The following ACAP2 variants were observed in gnomAD, a reference collection of about 807,000 sequenced individuals.
ACAP2 encodes ArfGAP with coiled-coil, ankyrin repeat and PH domains 2.
A neutral mutation model predicts 115.8 loss-of-function variants in ACAP2; 39 were observed. The observed-to-expected ratio is 0.34, with a 90% confidence interval of 0.26 to 0.44. ACAP2 has a LOEUF of 0.44. ACAP2 is among the 20% of genes least tolerant of loss of function. ACAP2 has a pLI of 1.00. For synonymous variants in ACAP2, 289 were observed against 315.8 expected (o/e 0.92, Z 0.90); for missense variants, 662 against 927.6 (o/e 0.71, Z 3.72).
In ACAP2 at chr3:195,400,394, C is replaced by T. The variant is rs1202981345; in HGVS notation, c.54-8247G>A. Among the ~76,000 whole-genome samples, 5 of 151,590 alleles carry T rather than the reference C, an allele frequency of 3.3e-5. No individual in the cohort carries two copies. The East Asian group carries it at 9.7e-4, about 29-fold the overall frequency. ...TCTGCATAAAGACAGTAGCTATATACAGTCATTTTTAACATGTGTAGTGGC... is the reference window on the plus strand; with the variant it reads ...TCTGCATAAAGACAGTAGCTATATATAGTCATTTTTAACATGTGTAGTGGC... On this transcript the variant is annotated intron_variant, in intron 1 of 22. Transcript: ENST00000326793.
intron 4 of ACAP2, among the ~76,000 whole-genome samples, chr3:195,363,652 C>G (rs1211491627): frequency 2.0e-5 from 3 of 149,380 alleles, no homozygotes; most frequent in Non-Finnish European, 4.4e-5. Context: ...CACACAAAAA[C>G]AGAATAGCCA....
At chr3:195,295,608 T>C in intron 17 of ACAP2, 100 bp downstream of exon 17, 1 of 1,313,866 alleles carries the variant, frequency 7.6e-7, no homozygotes, top group East Asian at 2.3e-5. Context: ...AACAGGTTTT[T>C]AACATTAAAA....
chr3:195,330,990 C>T (rs1730127796), intron 8 of ACAP2, among the ~76,000 whole-genome samples: 1 of 152,160 alleles, frequency 6.6e-6, no homozygotes, highest in South Asian at 2.1e-4. Flanking sequence ...AACCAAGTGG[C>T]CACCATACCA....
chr3:195,321,983 C>G (rs1419284773), intron 9 of ACAP2, among the ~76,000 whole-genome samples: 1 of 152,128 alleles, frequency 6.6e-6, no homozygotes, highest in Non-Finnish European at 1.5e-5. Context: ...TCAAAGGAAA[C>G]AGATCTTAGT....
intron 4 of ACAP2, 121 bp downstream of exon 4, chr3:195,380,888 A>G (rs887050175): frequency 1.2e-6 from 1 of 852,002 alleles, no homozygotes; most frequent in Non-Finnish European, 1.8e-6. Context: ...ACCCAGCTAA[A>G]AAGTTGACGA....
At chr3:195,415,775 A>T (rs939308011) in intron 1 of ACAP2, among the ~76,000 whole-genome samples, 2 of 152,194 alleles carry the variant, frequency 1.3e-5, no homozygotes, top group African/African-American at 4.8e-5. Flanking sequence ...TAGAAAAAAT[A>T]AAATATATAT....
At chr3:195,440,127 A>C (rs1715889158) in intron 1 of ACAP2, among the ~76,000 whole-genome samples, 1 of 152,182 alleles carries the variant, frequency 6.6e-6, no homozygotes, top group Admixed American at 6.5e-5. Flanking sequence ...TAGATGAACA[A>C]GGTTTTTAGA....
At position 195,298,023 on chromosome 3, in the gene ACAP2, T is replaced by C. The variant is rs545181140; in HGVS notation, c.1396-742A>G. On this transcript the variant is annotated intron_variant, in intron 15 of 22. Coordinates refer to ENST00000326793, the MANE Select transcript of ACAP2 (RefSeq NM_012287.6). ...TCCCAAGAGCAGATCACCCAAACCA[T>C]TTCCCTGAAAAATCATACGTAGGTA... is the stretch of plus-strand genomic sequence containing the variant. Among the ~76,000 whole-genome samples the C allele has an allele frequency of 2.1e-4, 32 of 152,254 alleles. 1 individual carries two copies. Among genetic ancestry groups the C allele is most frequent in the African/African-American group, 7.7e-4 (32 of 41,550 alleles).
Position 195,342,600 on chromosome 3 carries a change from T to C in ACAP2, c.399A>G (p.Glu133=), listed in dbSNP as rs1730951008. 1 of 1,611,226 alleles carries C rather than the reference T, an allele frequency of 6.2e-7. No individual in the cohort carries two copies. Among genetic ancestry groups the C allele is most frequent in the Non-Finnish European group, 8.5e-7 (1 of 1,179,374 alleles). Reference sequence around the variant, plus strand: ...CATTTTTTACTAACGCATTTTCTTTTTCTTCACTGACTTTTTCGAATTGCT... The same window carrying C: ...CATTTTTTACTAACGCATTTTCTTTCTCTTCACTGACTTTTTCGAATTGCT... ...AKKQFEKVSE[E]KENALVKNAQ... Residue 133 remains glutamate, a synonymous_variant, in exon 6 of 23, where the codon GAA becomes GAG. Coordinates refer to ENST00000326793, the MANE Select transcript of ACAP2 (RefSeq NM_012287.6).
chr3:195,300,622 G>T (rs530748889), intron 15 of ACAP2, among the ~76,000 whole-genome samples: 32 of 152,164 alleles, frequency 2.1e-4, no homozygotes, highest in African/African-American at 7.7e-4. Context: ...CAACCCAATG[G>T]TGTCAAAAGC....
At chr3:195,415,067 C>T (rs1212008713) in intron 1 of ACAP2, among the ~76,000 whole-genome samples, 1 of 152,064 alleles carries the variant, frequency 6.6e-6, no homozygotes, top group African/African-American at 2.4e-5. Context: ...TGTCATTATA[C>T]ATTTATCTAA....
chr3:195,279,422 T>G lies in ACAP2; in HGVS notation c.2243A>C (p.Glu748Ala), dbSNP rs1726343282. 6.3e-7 allele frequency: 1 copy of G among 1,583,728 alleles called. No individual in the cohort carries two copies. Among genetic ancestry groups the G allele is most frequent in the Non-Finnish European group, 8.6e-7 (1 of 1,163,110 alleles). ...SEGLYGQPGD[E>A]TYQDIFRDFS... ...ATCACGAAATATGTCCTGATAAGTT[T>G]CATCACCTGCATGAAATAAAATAAA... Residue 748 changes from glutamate to alanine, a missense_variant, in exon 23 of 23, where the codon GAA becomes GCA. Physicochemically the swap from Glu to Ala is moderately radical, Grantham distance 107 (BLOSUM62 -1). Transcript: ENST00000326793.
intron 22 of ACAP2, chr3:195,282,778 G>C (rs990442983): frequency 6.6e-6 from 1 of 152,164 alleles, no homozygotes; most frequent in African/African-American, 2.4e-5. Flanking sequence ...CCCTCAGACA[G>C]TTAACTTTTC....
At chr3:195,292,606 C>G (rs1394622287) in intron 18 of ACAP2, among the ~76,000 whole-genome samples, 154 bp from the exon 19 acceptor site, 1 of 152,010 alleles carries the variant, frequency 6.6e-6, no homozygotes, top group Non-Finnish European at 1.5e-5. Context: ...ATACTTAATG[C>G]CACTAAACTG....
intron 1 of ACAP2, among the ~76,000 whole-genome samples, chr3:195,401,106 T>C (rs1039837501): frequency 2.6e-5 from 4 of 152,162 alleles, no homozygotes; most frequent in Non-Finnish European, 5.9e-5. Flanking sequence ...TGTTCCCCAT[T>C]ATCCTTTTCA....
Position 195,294,761 on chromosome 3 carries a change from A to G in ACAP2, c.1723T>C (p.Ser575Pro), listed in dbSNP as rs199880858. The change falls in exon 18 of 23, where the codon TCT becomes CCT. Residue 575 changes from serine (S) to proline (P), a missense_variant. By Grantham distance (74) the Ser-to-Pro change is moderately conservative (BLOSUM62 -1). This residue lies in a region of ACAP2 where 133 missense variants were observed against 123.1 expected (regional missense o/e 1.08). Transcript: ENST00000326793. ...TTGGCTGACACCGTGGAGGGTAAAG[A>G]TTCTCTTCCATCATCAGAGCTCTGC... ...IQQSSDDGRE[S>P]LPSTVSANSL... is the part of the protein sequence containing the mutation. 8 of 1,610,908 alleles carry G rather than the reference A, an allele frequency of 5.0e-6. No individual in the cohort carries two copies. Among genetic ancestry groups the G allele is most frequent in the Middle Eastern group, 1.7e-4 (1 of 6,046 alleles).
intron 1 of ACAP2, among the ~76,000 whole-genome samples, chr3:195,432,907 G>A (rs555954910): frequency 2.1e-3 from 324 of 152,030 alleles, no homozygotes; most frequent in Middle Eastern, 0.01. Flanking sequence ...TCTTTTTGAC[G>A]CCACTATAGA....
At chr3:195,342,327 C>A (rs1453656606) in intron 6 of ACAP2, 144 bp downstream of exon 6, 3 of 737,458 alleles carry the variant, frequency 4.1e-6, no homozygotes, top group Non-Finnish European at 6.1e-6. Context: ...AATAGCTACA[C>A]AGATGGAAAT....
chr3:195,336,986 AAC>A lies in ACAP2; in HGVS notation c.529-12_529-11del, dbSNP rs1407462662. 1.2e-6 allele frequency: 2 copies of A among 1,609,544 alleles called. No homozygotes were observed. Among genetic ancestry groups the A allele is most frequent in the South Asian group, 1.1e-5 (1 of 90,092 alleles). ...ATTGAAGAACATTAATCTGAGGGAA[AAC>A]ACACGTGGTTAATCACCCATGCATT... On this transcript the variant is annotated splice_polypyrimidine_tract_variant and intron_variant, in intron 6 of 22. Coordinates refer to ENST00000326793, the MANE Select transcript of ACAP2 (RefSeq NM_012287.6).
Sources: allele counts gnomAD v4.1 joint callset (sites outside exome capture counted in the v4.1 genomes callset), GRCh38; gene constraint gnomAD v4.1.1; regional missense constraint gnomAD v4.1.1; transcripts MANE v1.5; gene names NCBI Gene and HGNC (gene_info 2026-07-23, HGNC 2026-07-21).